The following AGMO variants were observed in gnomAD, a reference collection of about 807,000 sequenced individuals.
AGMO encodes glyceryl-ether monooxygenase.
Under a neutral mutation model 60.2 loss-of-function variants are expected in AGMO, and 75 were observed. The ratio of observed to expected loss-of-function variants is 1.25; its 90% CI spans 1.03 to 1.51. The LOEUF is 1.51. Among genes scored for constraint, AGMO ranks in the 40% most tolerant of loss-of-function variants. The probability of loss-of-function intolerance (pLI) is 0.00; values close to 1 mark genes in which losing one functional copy is unlikely to be tolerated. For missense variants in AGMO, 763 were observed against 525.5 expected (o/e 1.45, Z -4.42); for synonymous variants, 261 against 177.1 (o/e 1.47, Z -3.76).
intron 12 of AGMO, among the ~76,000 whole-genome samples, chr7:15,212,040 G>A (rs1477573331): frequency 6.6e-6 from 1 of 151,848 alleles, no homozygotes; most frequent in Non-Finnish European, 1.5e-5. Flanking sequence ...AAATGCCTTG[G>A]AGAATTATTG....
chr7:15,190,246 T>G, the AGMO span, among the ~76,000 whole-genome samples: 1 of 135,574 alleles, frequency 7.4e-6, no homozygotes, highest in Non-Finnish European at 1.6e-5. Flanking sequence ...TATATATATA[T>G]ATATGCAGCA....
chr7:15,398,059 G>C (rs185961708), intron 5 of AGMO, among the ~76,000 whole-genome samples: 63 of 152,294 alleles, frequency 4.1e-4, no homozygotes, highest in African/African-American at 1.5e-3. Flanking sequence ...AACCAGATGG[G>C]AAAGGAGAAA....
intron 12 of AGMO, among the ~76,000 whole-genome samples, chr7:15,232,791 A>ACACACG (rs1554398724): frequency 3.8e-5 from 4 of 104,462 alleles, no homozygotes; most frequent in East Asian, 4.9e-4. Context: ...CATGGAAACC[A>ACACACG]CACACACACG....
chr7:15,220,300 A>G (rs1280075156), intron 12 of AGMO, among the ~76,000 whole-genome samples: 4 of 145,904 alleles, frequency 2.7e-5, no homozygotes, highest in Non-Finnish European at 6.0e-5. Flanking sequence ...GCTCACTGCA[A>G]CCTCTGCCTC....
At chr7:15,352,350 A>T (rs535616318) in intron 12 of AGMO, among the ~76,000 whole-genome samples, 125 of 152,216 alleles carry the variant, frequency 8.2e-4, no homozygotes, top group African/African-American at 2.9e-3. Context: ...ACCGCCTGAA[A>T]CTGCAGCTGT....
intron 10 of AGMO, among the ~76,000 whole-genome samples, chr7:15,371,279 G>C (rs950861351): frequency 6.6e-6 from 1 of 152,088 alleles, no homozygotes; most frequent in African/African-American, 2.4e-5. Flanking sequence ...GTAGTGTAAT[G>C]GCACCATCTA....
chr7:15,478,527 T>C (rs1376991606), intron 3 of AGMO, among the ~76,000 whole-genome samples: 4 of 152,182 alleles, frequency 2.6e-5, no homozygotes, highest in African/African-American at 4.8e-5. Context: ...GAGTCCAGCA[T>C]GTGCTCACAA....
chr7:15,386,050 A>T (rs992408228), intron 9 of AGMO, among the ~76,000 whole-genome samples: 3 of 152,076 alleles, frequency 2.0e-5, no homozygotes. Context: ...GCATGGTGGC[A>T]CACACCTGTA....
chr7:15,467,728 G>C (rs971805910), intron 3 of AGMO, among the ~76,000 whole-genome samples: 1 of 152,136 alleles, frequency 6.6e-6, no homozygotes, highest in Admixed American at 6.6e-5. Context: ...TTCTCAGGCA[G>C]TTATGGGATT....
chr7:15,441,626 G>A (rs1200246296), intron 3 of AGMO, among the ~76,000 whole-genome samples: 1 of 151,930 alleles, frequency 6.6e-6, no homozygotes. Flanking sequence ...AGTTAGCTAG[G>A]ATTGGCAAGC....
intron 12 of AGMO, among the ~76,000 whole-genome samples, chr7:15,254,065 G>A (rs111336250): frequency 3.6e-4 from 55 of 151,890 alleles, no homozygotes; most frequent in Non-Finnish European, 7.9e-4. Flanking sequence ...TTTTATAACT[G>A]TATAGTATTC....
intron 5 of AGMO, chr7:15,396,704 T>A (rs1784403769): frequency 6.6e-6 from 1 of 151,920 alleles, no homozygotes; most frequent in Admixed American, 6.6e-5. Context: ...TTGGTCCACT[T>A]TACAGAGAGC....
At chr7:15,475,756 T>C (rs1034374667) in intron 3 of AGMO, among the ~76,000 whole-genome samples, 3 of 152,060 alleles carry the variant, frequency 2.0e-5, no homozygotes, top group African/African-American at 7.2e-5. Flanking sequence ...TTTCAACTTA[T>C]TTAGATTTTT....
intron 3 of AGMO, among the ~76,000 whole-genome samples, chr7:15,453,698 G>C (rs1781915141): frequency 6.6e-6 from 1 of 152,032 alleles, no homozygotes; most frequent in African/African-American, 2.4e-5. Context: ...CACTCCTGCA[G>C]GCTTAGAGCT....
At chr7:15,430,918 G>GT (rs71004378) in intron 4 of AGMO, 87 bp downstream of exon 4, 39,955 of 391,360 alleles carry the variant, frequency 0.1, 66 homozygotes, top group East Asian at 0.15. Flanking sequence ...CCTTCTATTA[G>GT]TTTTTTTTTT....
chr7:15,558,631 T>C (rs1484382865), intron 2 of AGMO, among the ~76,000 whole-genome samples: 1 of 152,074 alleles, frequency 6.6e-6, no homozygotes, highest in Non-Finnish European at 1.5e-5. Context: ...ATTATCTTCT[T>C]CTGATTTCAA....
At chr7:15,141,954 C>G in the AGMO span, among the ~76,000 whole-genome samples, 1 of 152,176 alleles carries the variant, frequency 6.6e-6, no homozygotes, top group Non-Finnish European at 1.5e-5. Context: ...GCCAGCATTT[C>G]TCTTCCTCCC....
intron 3 of AGMO, among the ~76,000 whole-genome samples, chr7:15,523,701 G>A (rs1784057222): frequency 6.6e-6 from 1 of 152,044 alleles, no homozygotes; most frequent in Admixed American, 6.6e-5. Flanking sequence ...GTCAAGGGGA[G>A]GAAGGGATAG....
intron 3 of AGMO, among the ~76,000 whole-genome samples, chr7:15,484,017 A>G (rs1435194281): frequency 6.6e-6 from 1 of 152,098 alleles, no homozygotes; most frequent in African/African-American, 2.4e-5. Flanking sequence ...TTGTGCACAT[A>G]CCTATTCATT....
Sources: gnomAD v4.1 joint callset for allele counts (sites outside exome capture counted in the v4.1 genomes callset) on GRCh38, gnomAD v4.1.1 for gene constraint, MANE v1.5 for transcripts, NCBI Gene and HGNC (gene_info 2026-07-23, HGNC 2026-07-21) for gene names.